RPH3AL: variants seen among roughly 807,000 people sequenced by gnomAD.
RPH3AL encodes the protein rabphilin 3A like (without C2 domains).
In RPH3AL, 38 loss-of-function variants were observed where a neutral mutation model predicts 43.1. The observed-to-expected ratio is 0.88, with a 90% CI of 0.68 to 1.15. RPH3AL has a LOEUF of 1.15. Ranked by LOEUF, RPH3AL falls within the 50% of genes most tolerant of loss-of-function variation. The probability of loss-of-function intolerance (pLI) is 0.00; values close to 1 mark genes in which losing one functional copy is unlikely to be tolerated. For synonymous variants in RPH3AL, 189 were observed against 176.3 expected, an observed-to-expected ratio of 1.07 and a Z score of -0.57; for missense variants, 462 against 423.2, an observed-to-expected ratio of 1.09 and a Z score of -0.81.
chr17:271,371 T>C (rs925589174), intron 6 of RPH3AL, among the ~76,000 whole-genome samples: 18 of 152,342 alleles, frequency 1.2e-4, no homozygotes, highest in Middle Eastern at 3.4e-3. Flanking sequence ...TTGGGCAGTA[T>C]GGCCATTTTC....
At position 246,986 on chromosome 17, in the gene RPH3AL, G is replaced by A. The variant is rs912572543; in HGVS notation, c.613+125C>T. Reference sequence around the variant, plus strand: ...TGGAGCTGAGGGCACAGGGAGGGACGCATCACCAGAATGAGCCTCGTGGAT... The same window carrying A: ...TGGAGCTGAGGGCACAGGGAGGGACACATCACCAGAATGAGCCTCGTGGAT... On this transcript the variant is annotated intron_variant, in intron 7 of 9. Coordinates refer to ENST00000331302, the MANE Select transcript of RPH3AL (RefSeq NM_006987.4). The surrounding 1 kb of genome is among the most constrained non-coding windows in gnomAD (Gnocchi z 4.8). 63 of 983,430 alleles carry A rather than the reference G, an allele frequency of 6.4e-5. No homozygotes were observed. The highest frequency in any genetic ancestry group is 1.7e-4 in the Admixed American group (9 of 54,314). The allele number at this position is 983,430 out of a possible 1,614,324, so 60.9% of individuals were successfully genotyped here.
intron 7 of RPH3AL, among the ~76,000 whole-genome samples, chr17:221,851 C>T (rs1364473291): frequency 7.9e-6 from 1 of 126,098 alleles, no homozygotes. Context: ...CCAAGAACAA[C>T]AGCTCTGAGG....
intron 6 of RPH3AL, among the ~76,000 whole-genome samples, chr17:253,493 A>T (rs4458053): frequency 3.9e-5 from 6 of 152,046 alleles, no homozygotes; most frequent in Admixed American, 3.3e-4. Flanking sequence ...GGGTATGCGC[A>T]ATCCTTTTTT....
At chr17:267,220 G>T (rs544653623) in intron 6 of RPH3AL, among the ~76,000 whole-genome samples, 1 of 152,354 alleles carries the variant, frequency 6.6e-6, no homozygotes, top group South Asian at 2.1e-4. Flanking sequence ...AATGACTTGT[G>T]TTGTCAACAT....
At position 273,629 on chromosome 17, in the gene RPH3AL, G is replaced by A. The variant is rs928780249; in HGVS notation, c.438+8139C>T. 1.3e-5 allele frequency among the ~76,000 whole-genome samples: 2 copies of A among 151,614 alleles called. 1 individual carries two copies. The highest frequency in any genetic ancestry group is 4.8e-5 in the African/African-American group (2 of 41,354). On this transcript the variant is annotated intron_variant, in intron 6 of 9. Transcript: ENST00000331302. Reference sequence around the variant, plus strand: ...GTCAGGAAGAGACCCCAGCGAGGGCGACGTCGGGGATATCCAAAGTGCCCC... The same window carrying A: ...GTCAGGAAGAGACCCCAGCGAGGGCAACGTCGGGGATATCCAAAGTGCCCC...
rs1397468562 is a variant in RPH3AL, at chr17:285,752, C to T, written c.352-3898G>A. Among the ~76,000 whole-genome samples the T allele has an allele frequency of 2.0e-5, 3 of 152,220 alleles. No individual in the cohort carries two copies. In the East Asian group the frequency reaches 5.8e-4, roughly 29 times the overall value. The stretch of plus-strand genomic sequence containing the variant: ...GACGGCGCTCGGCCAGAGGACCCTG[C>T]CCTCAGTCTCCCCACTCAACCTGCC... On this transcript the variant is annotated intron_variant, in intron 5 of 9. Coordinates refer to ENST00000331302, the MANE Select transcript of RPH3AL (RefSeq NM_006987.4).
chr17:296,611 G>A (rs992421164), intron 5 of RPH3AL, among the ~76,000 whole-genome samples: 6 of 152,308 alleles, frequency 3.9e-5, no homozygotes, highest in African/African-American at 1.4e-4. Flanking sequence ...GCTCGTTTCC[G>A]CCGATGGCTC....
Position 292,409 on chromosome 17 carries a change from C to A in RPH3AL, c.352-10555G>T, listed in dbSNP as rs549252934. ...AATTACAAATATTTATATACTTTCTCGGGTACTTATGCTTACACTAGGCAC... is the reference window on the plus strand; with the variant it reads ...AATTACAAATATTTATATACTTTCTAGGGTACTTATGCTTACACTAGGCAC... On this transcript the variant is annotated intron_variant, in intron 5 of 9. Transcript: ENST00000331302. 1.4e-3 allele frequency among the ~76,000 whole-genome samples: 213 copies of A among 152,330 alleles called. 1 individual carries two copies. The highest frequency in any genetic ancestry group is 4.9e-3 in the African/African-American group (202 of 41,580).
chr17:235,952 G>A (rs1039713800), intron 7 of RPH3AL, among the ~76,000 whole-genome samples: 2 of 100,062 alleles, frequency 2.0e-5, no homozygotes, highest in Non-Finnish European at 4.2e-5. Context: ...GACAGATCCA[G>A]GGTTCAAAGC....
rs1567580387 is a variant in RPH3AL, at chr17:245,294, T to TACGTGG, written c.613+1816_613+1817insCCACGT. 4.6e-5 allele frequency among the ~76,000 whole-genome samples: 7 copies of TACGTGG among 151,130 alleles called. No homozygotes were observed. The highest frequency in any genetic ancestry group is 1.7e-4 in the African/African-American group (7 of 41,100). On this transcript the variant is annotated intron_variant, in intron 7 of 9. Transcript: ENST00000331302. This position sits in a 1 kb window ranked among gnomAD's most constrained non-coding sequence, Gnocchi z 5.9. ...GTCAGTGTGTGTGTACGTGGGTGTG[T>TACGTGG]GTGTGGATGTGTGTGTGGATGTGGA...
intron 6 of RPH3AL, among the ~76,000 whole-genome samples, chr17:249,022 A>G (rs1299183390): frequency 1.3e-5 from 2 of 152,138 alleles, no homozygotes; most frequent in Non-Finnish European, 2.9e-5. Flanking sequence ...CAGCCTCTCC[A>G]ACAGGAACAG....
At chr17:317,724 G>A (rs1002766490) in intron 5 of RPH3AL, among the ~76,000 whole-genome samples, 5 of 152,234 alleles carry the variant, frequency 3.3e-5, no homozygotes, top group Admixed American at 6.5e-5. Flanking sequence ...GGTAGCTGAA[G>A]TCCTGGCTTT....
intron 5 of RPH3AL, among the ~76,000 whole-genome samples, chr17:318,647 G>A (rs2044371252): frequency 6.6e-6 from 1 of 152,194 alleles, no homozygotes; most frequent in East Asian, 1.9e-4. Context: ...ACTATCTTGA[G>A]GATTAGAAGG....
At chr17:231,103 G>A (rs2041221429) in intron 7 of RPH3AL, among the ~76,000 whole-genome samples, 1 of 152,114 alleles carries the variant, frequency 6.6e-6, no homozygotes, top group African/African-American at 2.4e-5. Flanking sequence ...TCCTCCTTCT[G>A]TCTATGCCAG....
At chr17:304,654 G>A (rs1202312097) in intron 5 of RPH3AL, among the ~76,000 whole-genome samples, 9 of 152,028 alleles carry the variant, frequency 5.9e-5, no homozygotes, top group Non-Finnish European at 7.4e-5. Context: ...CGAACCAGCC[G>A]GAGGCCACAG....
chr17:314,388 C>T (rs1598080183), intron 5 of RPH3AL, among the ~76,000 whole-genome samples: 3 of 151,944 alleles, frequency 2.0e-5, no homozygotes, highest in African/African-American at 2.4e-5. Flanking sequence ...TGCAAGTTGG[C>T]CATTCCCAAG....
rs373087923 is a variant in RPH3AL at position 245,114 on chromosome 17, G to C, written c.613+1997C>G. Among the ~76,000 whole-genome samples the C allele has an allele frequency of 2.6e-4, 40 of 151,424 alleles. No homozygotes were observed. The highest frequency in any genetic ancestry group is 3.4e-3 in the Middle Eastern group (1 of 292). ...GTGTGTAGACGTGTGTGTACATGTG[G>C]ATGTGTGTGTGGATGTGTGTGTCCA... On this transcript the variant is annotated intron_variant, in intron 7 of 9. Transcript: ENST00000331302. The surrounding 1 kb of genome is among the most constrained non-coding windows in gnomAD (Gnocchi z 5.9).
chr17:321,764 C>T (rs114293140), intron 3 of RPH3AL: 4,473 of 262,352 alleles, frequency 0.017, 207 homozygotes, highest in African/African-American at 0.089. Context: ...GCAACAGAGA[C>T]GGGGCAGACA....
In RPH3AL at chr17:245,834, C is replaced by T. The variant is rs1555539719; in HGVS notation, c.613+1277G>A. 6.6e-6 allele frequency among the ~76,000 whole-genome samples: 1 copy of T among 152,158 alleles called. No homozygotes were observed. Among genetic ancestry groups the T allele is most frequent in the Non-Finnish European group, 1.5e-5 (1 of 68,028 alleles). ...CCCCCTCCTCCTGAGGGACTCCCCG[C>T]CTGCACGGTCTCCACTGCATTGCAT... On this transcript the variant is annotated intron_variant, in intron 7 of 9. Coordinates refer to ENST00000331302, the MANE Select transcript of RPH3AL (RefSeq NM_006987.4). The surrounding 1 kb of genome is among the most constrained non-coding windows in gnomAD (Gnocchi z 5.9).
Sources: gnomAD v4.1 joint callset for allele counts (sites outside exome capture counted in the v4.1 genomes callset) on GRCh38, gnomAD v4.1.1 for gene constraint, Gnocchi (gnomAD v3.1) non-coding constraint, MANE v1.5 for transcripts, NCBI Gene and HGNC (gene_info 2026-07-23, HGNC 2026-07-21) for gene names.